The following NUDCD1 variants were observed in gnomAD, a reference collection of about 807,000 sequenced individuals.
NUDCD1 encodes nudC domain-containing protein 1.
In NUDCD1, 60 loss-of-function variants were observed where a neutral mutation model predicts 67.8. That is an observed-to-expected ratio of 0.88 (90% confidence interval 0.72 to 1.10). The LOEUF is 1.10. NUDCD1 is among the 50% of genes least tolerant of loss of function. The pLI, the probability that NUDCD1 is intolerant of heterozygous loss-of-function variation, is 0.00. For missense variants in NUDCD1, 643 were observed against 695.0 expected (o/e 0.93, Z 0.84); for synonymous variants, 244 against 230.8 (o/e 1.06, Z -0.52).
rs535295342 is a variant in NUDCD1 at position 109,321,074 on chromosome 8, A to G, written c.273+1235T>C. ...AACACATTGCCTATTTTTAAATTAC[A>G]TATTAAAAACATGGATTTTGCCATG... On this transcript the variant is annotated intron_variant, in intron 2 of 9. Coordinates refer to ENST00000239690, the MANE Select transcript of NUDCD1 (RefSeq NM_032869.4). Among the ~76,000 whole-genome samples, 5 of 152,340 alleles carry G rather than the reference A, an allele frequency of 3.3e-5. No individual in the cohort carries two copies. The East Asian group carries it at 7.7e-4, about 24-fold the overall frequency.
At chr8:109,284,907 G>T (rs542408556) in intron 5 of NUDCD1, among the ~76,000 whole-genome samples, 1 of 149,726 alleles carries the variant, frequency 6.7e-6, no homozygotes, top group Non-Finnish European at 1.5e-5. Flanking sequence ...GGATAAACAA[G>T]ATCAATAGGC....
At chr8:109,257,146 C>A (rs991890816) in intron 8 of NUDCD1, among the ~76,000 whole-genome samples, 13 of 151,946 alleles carry the variant, frequency 8.6e-5, no homozygotes, top group Admixed American at 8.5e-4. Context: ...AATATCCTAG[C>A]TAGTACAATA....
At chr8:109,274,473 T>TTTATTC (rs1814231146) in intron 7 of NUDCD1, among the ~76,000 whole-genome samples, 1 of 152,174 alleles carries the variant, frequency 6.6e-6, no homozygotes, top group Admixed American at 6.5e-5. Context: ...TATAAGGCAA[T>TTTATTC]GCAGCCTGCA....
intron 5 of NUDCD1, among the ~76,000 whole-genome samples, chr8:109,284,088 G>A (rs1814520076): frequency 6.6e-6 from 1 of 151,876 alleles, no homozygotes; most frequent in African/African-American, 2.4e-5. Context: ...AAAGTAAAGG[G>A]CTGGAAAAAA....
At chr8:109,277,992 T>A (rs1438204099) in intron 6 of NUDCD1, among the ~76,000 whole-genome samples, 1 of 152,204 alleles carries the variant, frequency 6.6e-6, no homozygotes, top group Non-Finnish European at 1.5e-5. Flanking sequence ...AAACTTTCTA[T>A]GAGCTAGATA....
intron 1 of NUDCD1, among the ~76,000 whole-genome samples, chr8:109,330,201 T>C (rs1554619048): frequency 6.6e-6 from 1 of 152,248 alleles, no homozygotes; most frequent in Non-Finnish European, 1.5e-5. Context: ...GTTTTTTGTT[T>C]CGTTCTTTGG....
chr8:109,323,400 G>T (rs1815587537), intron 1 of NUDCD1, among the ~76,000 whole-genome samples: 1 of 151,800 alleles, frequency 6.6e-6, no homozygotes, highest in Non-Finnish European at 1.5e-5. Context: ...ATTTCAATAG[G>T]CATCGATGAC....
intron 8 of NUDCD1, among the ~76,000 whole-genome samples, chr8:109,270,080 GGGTGCCTTAA>G (rs1317025983): frequency 5.0e-5 from 1 of 20,048 alleles, no homozygotes; most frequent in African/African-American, 1.2e-4. Flanking sequence ...GGGGGGGGGG[GGGTGCCTTAA>G]GGTGGGGTGT....
chr8:109,320,071 T>C lies in NUDCD1; in HGVS notation c.273+2238A>G, dbSNP rs1815496968. Among the ~76,000 whole-genome samples the C allele has an allele frequency of 2.0e-5, 3 of 152,078 alleles. No homozygotes were observed. In the East Asian group the frequency reaches 5.8e-4, roughly 29 times the overall value. ...AGGTAATAGAATATCACAAGGCAAGTAGAGGCAGGGCGAGATCACAAAACC... is the reference window on the plus strand; with the variant it reads ...AGGTAATAGAATATCACAAGGCAAGCAGAGGCAGGGCGAGATCACAAAACC... On this transcript the variant is annotated intron_variant, in intron 2 of 9. Coordinates refer to ENST00000239690, the MANE Select transcript of NUDCD1 (RefSeq NM_032869.4).
At chr8:109,258,755 C>T (rs1486484390) in intron 8 of NUDCD1, among the ~76,000 whole-genome samples, 3 of 152,094 alleles carry the variant, frequency 2.0e-5, no homozygotes, top group Admixed American at 1.3e-4. Flanking sequence ...CTGAATTCTA[C>T]TGCACTGAAG....
At chr8:109,253,463 T>A (rs1813666018) in intron 8 of NUDCD1, among the ~76,000 whole-genome samples, 1 of 152,214 alleles carries the variant, frequency 6.6e-6, no homozygotes, top group Admixed American at 6.5e-5. Flanking sequence ...CTAAACAATG[T>A]TCCACGTTTC....
In NUDCD1 at chr8:109,245,485, A is replaced by C; in HGVS notation, c.1300-4T>G. Reference sequence around the variant, plus strand: ...ACTGGTTGCTTCCAAGATTCACCTAAAAAGTGATTTAAAAAAAAATTTACT... The same window carrying C: ...ACTGGTTGCTTCCAAGATTCACCTACAAAGTGATTTAAAAAAAAATTTACT... On this transcript the variant is annotated splice_region_variant and splice_polypyrimidine_tract_variant and intron_variant, in intron 8 of 9. Coordinates refer to ENST00000239690, the MANE Select transcript of NUDCD1 (RefSeq NM_032869.4). The C allele has an allele frequency of 2.5e-6, 4 of 1,585,522 alleles. No individual in the cohort carries two copies. Among genetic ancestry groups the C allele is most frequent in the Non-Finnish European group, 3.4e-6 (4 of 1,166,432 alleles).
chr8:109,246,877 GA>G (rs1210633172), intron 8 of NUDCD1, among the ~76,000 whole-genome samples: 1 of 152,178 alleles, frequency 6.6e-6, no homozygotes, highest in Non-Finnish European at 1.5e-5. Flanking sequence ...GGAAAGCTGT[GA>G]AGTGGCTCTC....
intron 7 of NUDCD1, among the ~76,000 whole-genome samples, chr8:109,274,434 A>C (rs966949031): frequency 6.6e-6 from 1 of 152,148 alleles, no homozygotes; most frequent in African/African-American, 2.4e-5. Context: ...CCCAGAGCCT[A>C]ATACAATAAT....
chr8:109,263,625 C>G (rs79872074), intron 8 of NUDCD1, among the ~76,000 whole-genome samples: 3,696 of 152,206 alleles, frequency 0.024, 141 homozygotes, highest in African/African-American at 0.084. Flanking sequence ...CTGTAACTTT[C>G]TAAGAATTAG....
At chr8:109,291,792 G>A (rs1446339814) in intron 4 of NUDCD1, among the ~76,000 whole-genome samples, 2 of 152,186 alleles carry the variant, frequency 1.3e-5, no homozygotes, top group African/African-American at 4.8e-5. Context: ...GGATGGAGAA[G>A]TAGAGCTGGA....
At chr8:109,313,783 T>G in intron 2 of NUDCD1, 1 of 744,042 alleles carries the variant, frequency 1.3e-6, no homozygotes, top group Non-Finnish European at 2.0e-6. Flanking sequence ...TTTAAGCCAT[T>G]TTCTTTAAAA....
chr8:109,311,845 C>A (rs1048241222), intron 2 of NUDCD1, among the ~76,000 whole-genome samples: 1 of 151,788 alleles, frequency 6.6e-6, no homozygotes, highest in African/African-American at 2.4e-5. Flanking sequence ...GTATACTGCT[C>A]GGGTGATGGC....
At chr8:109,267,740 C>T (rs941800388) in intron 8 of NUDCD1, among the ~76,000 whole-genome samples, 5 of 152,126 alleles carry the variant, frequency 3.3e-5, no homozygotes, top group African/African-American at 1.2e-4. Flanking sequence ...CTGGAAATGT[C>T]TCATCAAATA....
Sources: gnomAD v4.1 joint callset for allele counts (sites outside exome capture counted in the v4.1 genomes callset) on GRCh38, gnomAD v4.1.1 for gene constraint, MANE v1.5 for transcripts, NCBI Gene and HGNC (gene_info 2026-07-23, HGNC 2026-07-21) for gene names.